The following CDH22 variants were observed in gnomAD, a reference collection of about 807,000 sequenced individuals.
CDH22 encodes cadherin-22.
CDH22 carries 30 observed loss-of-function variants against 58.4 expected under a neutral mutation model. The ratio of observed to expected loss-of-function variants is 0.51; its 90% CI spans 0.38 to 0.70. The LOEUF is 0.70. CDH22 is among the 30% of genes least tolerant of loss of function. The pLI is 0.00. For synonymous variants in CDH22, 513 were observed against 558.2 expected, an observed-to-expected ratio of 0.92 and a Z score of 1.14; for missense variants, 1,014 against 1,233.9, an observed-to-expected ratio of 0.82 and a Z score of 2.67.
intron 1 of CDH22, among the ~76,000 whole-genome samples, chr20:46,307,269 G>A (rs1193070267): frequency 6.6e-6 from 1 of 152,244 alleles, no homozygotes; most frequent in African/African-American, 2.4e-5. Flanking sequence ...GGGGGATCCT[G>A]GATCAGCCCT....
intron 1 of CDH22, among the ~76,000 whole-genome samples, chr20:46,258,215 G>A (rs1455210358): frequency 6.6e-6 from 1 of 152,152 alleles, no homozygotes; most frequent in Non-Finnish European, 1.5e-5. Flanking sequence ...AGAGAACTGG[G>A]AGGAGGGAAG....
intron 1 of CDH22, among the ~76,000 whole-genome samples, chr20:46,263,423 T>TGTGTGTGC (rs1340502710): frequency 6.6e-6 from 1 of 151,618 alleles, no homozygotes; most frequent in Non-Finnish European, 1.5e-5. Flanking sequence ...TGTGTGTGTG[T>TGTGTGTGC]GTGTGCGTGT....
chr20:46,191,107 G>A (rs1369144738), intron 8 of CDH22, among the ~76,000 whole-genome samples: 4 of 152,142 alleles, frequency 2.6e-5, no homozygotes, highest in African/African-American at 9.7e-5. Flanking sequence ...ACTCCAGACT[G>A]TGATAAGAGC....
At chr20:46,303,607 G>T (rs979636319) in intron 1 of CDH22, among the ~76,000 whole-genome samples, 1 of 152,166 alleles carries the variant, frequency 6.6e-6, no homozygotes, top group African/African-American at 2.4e-5. Context: ...TGGTCAGACA[G>T]GCAGATGGGT....
At position 46,181,752 on chromosome 20, in the gene CDH22, C is replaced by CTTCGTTCTTTCTTTCTTTCT; in HGVS notation, c.1664-3556_1664-3555insAGAAAGAAAGAAAGAACGAA. Among the ~76,000 whole-genome samples, 4 of 26,272 alleles carry CTTCGTTCTTTCTTTCTTTCT rather than the reference C, an allele frequency of 1.5e-4. No individual in the cohort carries two copies. The South Asian group carries it at 4.2e-3, about 28-fold the overall frequency. The allele number at this position is 26,272 out of a possible 152,430, so 17.2% of individuals were successfully genotyped here. On this transcript the variant is annotated intron_variant, in intron 10 of 11. Coordinates refer to ENST00000537909, the MANE Select transcript of CDH22 (RefSeq NM_021248.3). The stretch of plus-strand genomic sequence containing the variant: ...CCTTCCTTCCTTCCTTCCTTCCTTC[C>CTTCGTTCTTTCTTTCTTTCT]TTCTTTCTTTCTTTCTTTCTTTCTT...
chr20:46,175,418 G>T (rs973426622), intron 11 of CDH22, among the ~76,000 whole-genome samples: 3 of 152,198 alleles, frequency 2.0e-5, no homozygotes, highest in African/African-American at 7.2e-5. Context: ...ACTCTCTGAG[G>T]ACTCTAGGTG....
chr20:46,258,551 G>T (rs149096791), intron 1 of CDH22, among the ~76,000 whole-genome samples: 1 of 152,346 alleles, frequency 6.6e-6, no homozygotes, highest in Non-Finnish European at 1.5e-5. Flanking sequence ...CCCCTAGCAG[G>T]ACAGGTGAGT....
At chr20:46,301,268 G>C (rs545836692) in intron 1 of CDH22, among the ~76,000 whole-genome samples, 1 of 151,868 alleles carries the variant, frequency 6.6e-6, no homozygotes, top group East Asian at 1.9e-4. Flanking sequence ...TACTTCATAT[G>C]AGCCCCGTGC....
intron 1 of CDH22, among the ~76,000 whole-genome samples, chr20:46,294,973 C>A (rs1325060047): frequency 1.3e-5 from 2 of 152,366 alleles, no homozygotes; most frequent in South Asian, 2.1e-4. Flanking sequence ...TCTTCACACC[C>A]TTCATTCTCT....
chr20:46,182,296 C>T (rs1969063743), intron 10 of CDH22, among the ~76,000 whole-genome samples: 1 of 152,200 alleles, frequency 6.6e-6, no homozygotes, highest in African/African-American at 2.4e-5. Flanking sequence ...GATGCGGTCC[C>T]TGTCCTTGCT....
rs563165505 is a variant in CDH22 at position 46,308,337 on chromosome 20, C to A, written c.-482G>T. On this transcript the variant is annotated 5_prime_UTR_variant, in exon 1 of 12. Transcript: ENST00000537909. The surrounding 1 kb of genome is among the most constrained non-coding windows in gnomAD (Gnocchi z 4.3). The stretch of plus-strand genomic sequence containing the variant: ...CGGGAGCCCCGGCGCGGGCAGCGGG[C>A]GAGTCCGGAGCCCCGCGGCCGCCCG... The A allele has an allele frequency of 1.2e-3, 207 of 175,208 alleles. No individual in the cohort carries two copies. The highest frequency in any genetic ancestry group is 4.9e-3 in the African/African-American group (204 of 41,798). 10.9% of individuals were successfully genotyped at this position (175,208 alleles called of 1,614,324 possible).
Position 46,210,272 on chromosome 20 carries a change from A to G in CDH22, c.1286+35T>C. The G allele has an allele frequency of 7.3e-7, 1 of 1,372,634 alleles. No homozygotes were observed. Among genetic ancestry groups the G allele is most frequent in the Non-Finnish European group, 9.4e-7 (1 of 1,068,594 alleles). The allele number at this position is 1,372,634 out of a possible 1,614,324, so 85.0% of individuals were successfully genotyped here. A position where few individuals can be genotyped will look rare whatever the true frequency, so the allele number is the denominator to read the frequency against. On this transcript the variant is annotated intron_variant, in intron 7 of 11. Transcript: ENST00000537909. The surrounding 1 kb of genome is among the most constrained non-coding windows in gnomAD (Gnocchi z 4.5). ...TCCGCGGGGGTGATGGCGGGATAGC[A>G]GGCAGCAGGCGTCGGCCCCGGGCGG...
intron 11 of CDH22, among the ~76,000 whole-genome samples, chr20:46,176,962 C>G (rs1482414778): frequency 6.6e-6 from 1 of 152,156 alleles, no homozygotes; most frequent in East Asian, 1.9e-4. Context: ...TGCACTGCCT[C>G]GGAAAATGAA....
rs143548263 is a variant in CDH22, at chr20:46,293,321, G to C, written c.-400+14934C>G. ...ATCCTCCATGAAGCTGCCGCTACAG[G>C]GAGCTGTCTGTGCTGACCTGCATCT... On this transcript the variant is annotated intron_variant, in intron 1 of 11. Transcript: ENST00000537909. 5.3e-5 allele frequency among the ~76,000 whole-genome samples: 8 copies of C among 152,252 alleles called. No homozygotes were observed. In the East Asian group the frequency reaches 1.5e-3, roughly 29 times the overall value.
chr20:46,307,175 G>T (rs557019213), intron 1 of CDH22, among the ~76,000 whole-genome samples: 1 of 152,230 alleles, frequency 6.6e-6, no homozygotes, highest in Non-Finnish European at 1.5e-5. Flanking sequence ...TCCAAGGAGC[G>T]AGCACCTCGG....
At chr20:46,176,916 T>C (rs1404835850) in intron 11 of CDH22, among the ~76,000 whole-genome samples, 1 of 152,264 alleles carries the variant, frequency 6.6e-6, no homozygotes, top group African/African-American at 2.4e-5. Context: ...TGATGTGCAC[T>C]TTCTTCGTTT....
At chr20:46,205,944 C>T (rs1013046767) in intron 7 of CDH22, among the ~76,000 whole-genome samples, 1 of 152,186 alleles carries the variant, frequency 6.6e-6, no homozygotes, top group East Asian at 1.9e-4. Flanking sequence ...TTGTCCTCTT[C>T]GTCCCCTTGC....
chr20:46,291,625 C>T (rs187122536), intron 1 of CDH22, among the ~76,000 whole-genome samples: 9 of 152,358 alleles, frequency 5.9e-5, no homozygotes, highest in Admixed American at 3.9e-4. Flanking sequence ...GCTCTTGTTA[C>T]GGCCCCTGCT....
intron 2 of CDH22, 95 bp downstream of exon 2, chr20:46,250,945 G>T: frequency 1.3e-6 from 1 of 775,456 alleles, no homozygotes; most frequent in Non-Finnish European, 2.2e-6. Context: ...ATGAAACATG[G>T]ATTTAAAAGG....
Sources: gnomAD v4.1 joint callset for allele counts (sites outside exome capture counted in the v4.1 genomes callset) on GRCh38, gnomAD v4.1.1 for gene constraint, Gnocchi (gnomAD v3.1) non-coding constraint, MANE v1.5 for transcripts, NCBI Gene and HGNC (gene_info 2026-07-23, HGNC 2026-07-21) for gene names.